Variants in BNC2 observed in about 807,000 individuals in gnomAD.
BNC2 encodes the protein basonuclin zinc finger protein 2.
BNC2 carries 20 observed loss-of-function variants against 76.3 expected under a neutral mutation model. The ratio of observed to expected loss-of-function variants is 0.26; its 90% CI spans 0.18 to 0.38. The LOEUF is 0.38. BNC2 is among the 10% of genes least tolerant of loss of function. The pLI, the probability that BNC2 is intolerant of heterozygous loss-of-function variation, is 1.00. For synonymous variants in BNC2, 582 were observed against 514.8 expected (o/e 1.13, Z -1.77); for missense variants, 1,382 against 1,399.8 (o/e 0.99, Z 0.20).
At chr9:16,526,475 T>A (rs1488797431) in intron 5 of BNC2, among the ~76,000 whole-genome samples, 1 of 141,826 alleles carries the variant, frequency 7.1e-6, no homozygotes, top group Non-Finnish European at 1.5e-5. Context: ...TGCTTTTTTT[T>A]TTTTTTTTTT....
intron 1 of BNC2, among the ~76,000 whole-genome samples, chr9:16,845,520 G>C (rs537571597): frequency 3.3e-5 from 5 of 152,106 alleles, no homozygotes; most frequent in East Asian, 1.9e-4. Flanking sequence ...AGGAGATCGA[G>C]ACCATCCTGG....
intron 1 of BNC2, among the ~76,000 whole-genome samples, chr9:16,859,695 G>A (rs192443396): frequency 6.6e-6 from 1 of 152,194 alleles, no homozygotes; most frequent in Admixed American, 6.5e-5. Context: ...TGGTTTCCCA[G>A]GGCTGGGAGG....
intron 5 of BNC2, among the ~76,000 whole-genome samples, chr9:16,514,984 A>T (rs897912810): frequency 6.6e-6 from 1 of 152,240 alleles, no homozygotes; most frequent in African/African-American, 2.4e-5. Context: ...TGGAACCAGC[A>T]AAACTGTCTG....
intron 3 of BNC2, among the ~76,000 whole-genome samples, chr9:16,654,535 T>C (rs1368765837): frequency 2.0e-5 from 3 of 152,204 alleles, no homozygotes; most frequent in Non-Finnish European, 4.4e-5. Flanking sequence ...TAATTATGAC[T>C]TGAACTTAAT....
intron 5 of BNC2, among the ~76,000 whole-genome samples, chr9:16,441,069 T>C (rs1821118643): frequency 6.9e-6 from 1 of 145,642 alleles, no homozygotes; most frequent in South Asian, 2.3e-4. Flanking sequence ...CTCATGCCTA[T>C]AATCCCGACA....
chr9:16,494,770 T>G (rs533857854), intron 5 of BNC2, among the ~76,000 whole-genome samples: 1 of 152,000 alleles, frequency 6.6e-6, no homozygotes, highest in Admixed American at 6.5e-5. Flanking sequence ...TAGAAGAGTT[T>G]GGATTTTCAT....
At chr9:16,830,197 AAAAC>A (rs1441145126) in intron 1 of BNC2, among the ~76,000 whole-genome samples, 2 of 152,242 alleles carry the variant, frequency 1.3e-5, no homozygotes, top group Non-Finnish European at 2.9e-5. Context: ...GTATAAACAA[AAAAC>A]AAAACTGCAT....
chr9:16,436,548 A>G lies in BNC2; in HGVS notation c.1646T>C (p.Val549Ala), dbSNP rs1245939843. The change falls in exon 6 of 7, where the codon GTC becomes GCC. Residue 549 changes from valine (V) to alanine (A), a missense_variant. By Grantham distance (64) the Val-to-Ala change is moderately conservative. Transcript: ENST00000380672. ...CTGGCTAGGGAGAGGATTTTGCAAG[A>G]CAGGGTCTAGAGGGGGAGTGGTAAA... ...MGFTTPPLDP[V>A]LQNPLPSQLV... 3 of 1,613,970 alleles carry G rather than the reference A, an allele frequency of 1.9e-6. No individual in the cohort carries two copies. Among genetic ancestry groups the G allele is most frequent in the East Asian group, 2.2e-5 (1 of 44,884 alleles).
At chr9:16,630,576 CTTTA>C (rs1347674606) in intron 3 of BNC2, among the ~76,000 whole-genome samples, 2 of 152,018 alleles carry the variant, frequency 1.3e-5, no homozygotes, top group Non-Finnish European at 2.9e-5. Flanking sequence ...ATTTTCTAAA[CTTTA>C]TTTATTTAGC....
At chr9:16,750,062 C>G (rs993273577) in intron 1 of BNC2, among the ~76,000 whole-genome samples, 1 of 152,162 alleles carries the variant, frequency 6.6e-6, no homozygotes, top group Non-Finnish European at 1.5e-5. Flanking sequence ...GACAGCCCAT[C>G]ACAGAGCATG....
intron 3 of BNC2, among the ~76,000 whole-genome samples, chr9:16,659,536 A>C (rs1822044290): frequency 6.7e-6 from 1 of 148,880 alleles, no homozygotes; most frequent in South Asian, 2.1e-4. Context: ...TGAACCCAGG[A>C]GGCGGAAATT....
intron 5 of BNC2, among the ~76,000 whole-genome samples, chr9:16,491,153 A>G (rs964619451): frequency 2.0e-5 from 3 of 152,200 alleles, no homozygotes; most frequent in Non-Finnish European, 4.4e-5. Flanking sequence ...CCGAGAGCAA[A>G]GACAAATATT....
intron 3 of BNC2, among the ~76,000 whole-genome samples, chr9:16,674,750 A>C (rs1471021468): frequency 6.6e-6 from 1 of 152,190 alleles, no homozygotes; most frequent in Non-Finnish European, 1.5e-5. Context: ...CCAAGAAGGC[A>C]CTTAAAGATG....
At position 16,675,375 on chromosome 9, in the gene BNC2, T is replaced by A. The variant is rs568006563; in HGVS notation, c.330+52422A>T. Among the ~76,000 whole-genome samples, 278 of 152,192 alleles carry A rather than the reference T, an allele frequency of 1.8e-3. 1 individual carries two copies. The highest frequency in any genetic ancestry group is 6.6e-3 in the African/African-American group (275 of 41,522). On this transcript the variant is annotated intron_variant, in intron 3 of 6. Coordinates refer to ENST00000380672, the MANE Select transcript of BNC2 (RefSeq NM_017637.6). The stretch of plus-strand genomic sequence containing the variant: ...CTCAAGTGATGCTCCCGCCTCAGCC[T>A]TCAGAATAGCTGGGACTACAAGCAC...
At chr9:16,763,303 C>G (rs1825604551) in intron 1 of BNC2, among the ~76,000 whole-genome samples, 1 of 152,118 alleles carries the variant, frequency 6.6e-6, no homozygotes, top group African/African-American at 2.4e-5. Flanking sequence ...GGCATGGTGG[C>G]TCACACGTAT....
chr9:16,658,523 T>G (rs1821999049), intron 3 of BNC2, among the ~76,000 whole-genome samples: 1 of 152,128 alleles, frequency 6.6e-6, no homozygotes, highest in South Asian at 2.1e-4. Flanking sequence ...TATCACCTCC[T>G]GGATTCCTTA....
rs193108781 is a variant in BNC2, at chr9:16,685,045, G to A, written c.330+42752C>T. ...TGAATGGCTGCTGTTCTCCTGAGCC[G>A]GGAGACCATATTGTAGGAAGCATGA... On this transcript the variant is annotated intron_variant, in intron 3 of 6. Coordinates refer to ENST00000380672, the MANE Select transcript of BNC2 (RefSeq NM_017637.6). Among the ~76,000 whole-genome samples the A allele has an allele frequency of 3.9e-5, 6 of 152,228 alleles. No individual in the cohort carries two copies. The East Asian group carries it at 5.8e-4, about 15-fold the overall frequency.
At chr9:16,427,760 G>A (rs1386550019) in intron 6 of BNC2, among the ~76,000 whole-genome samples, 1 of 152,170 alleles carries the variant, frequency 6.6e-6, no homozygotes, top group African/African-American at 2.4e-5. Context: ...CTGATGAATG[G>A]AAGGTAATCT....
intron 5 of BNC2, among the ~76,000 whole-genome samples, chr9:16,517,347 GATATGCT>G (rs1275777018): frequency 1.3e-5 from 2 of 152,102 alleles, no homozygotes; most frequent in Non-Finnish European, 2.9e-5. Context: ...GAAAGGCAAG[GATATGCT>G]ACTATATACT....
Sources: gnomAD v4.1 joint callset for allele counts (sites outside exome capture counted in the v4.1 genomes callset) on GRCh38, gnomAD v4.1.1 for gene constraint, MANE v1.5 for transcripts, NCBI Gene and HGNC (gene_info 2026-07-23, HGNC 2026-07-21) for gene names.